Variants in TEX10 observed in about 807,000 individuals in gnomAD.
TEX10 encodes the protein testis-expressed protein 10.
In TEX10, 24 loss-of-function variants were observed where a neutral mutation model predicts 104.4. The ratio of observed to expected loss-of-function variants is 0.23; its 90% CI spans 0.17 to 0.32. The LOEUF (loss-of-function observed/expected upper bound fraction) is 0.32. Among genes scored for constraint, TEX10 ranks in the 10% least tolerant of loss-of-function variants. TEX10 has a pLI of 1.00. For missense variants in TEX10, 921 were observed against 1,083.9 expected (o/e 0.85, Z 2.11); for synonymous variants, 396 against 393.4 (o/e 1.01, Z -0.08).
chr9:100,311,618 T>C (rs1378424615), intron 11 of TEX10, among the ~76,000 whole-genome samples: 2 of 152,100 alleles, frequency 1.3e-5, no homozygotes, highest in African/African-American at 4.8e-5. Flanking sequence ...AATACAAATA[T>C]CCTGTTCAAT....
At chr9:100,339,892 A>C (rs1835130324) in intron 5 of TEX10, among the ~76,000 whole-genome samples, 1 of 152,060 alleles carries the variant, frequency 6.6e-6, no homozygotes, top group Non-Finnish European at 1.5e-5. Flanking sequence ...CCTCATGTAT[A>C]AATGAGAGTG....
Position 100,310,393 on chromosome 9 carries a change from A to G in TEX10, c.2203-14T>C, listed in dbSNP as rs769574973. 1 of 1,608,618 alleles carries G rather than the reference A, an allele frequency of 6.2e-7. No individual in the cohort carries two copies. The highest frequency in any genetic ancestry group is 1.1e-5 in the South Asian group (1 of 90,410). ...GTGAAAAACTGCCTGTCAGAAAAGG[A>G]GAAAACCACTAACCAAATCAGAACA... is the stretch of plus-strand genomic sequence containing the variant. On this transcript the variant is annotated splice_polypyrimidine_tract_variant and intron_variant, in intron 11 of 14. Coordinates refer to ENST00000374902, the MANE Select transcript of TEX10 (RefSeq NM_017746.4).
At chr9:100,323,217 A>G (rs1007647092) in intron 9 of TEX10, among the ~76,000 whole-genome samples, 11 of 152,242 alleles carry the variant, frequency 7.2e-5, no homozygotes, top group African/African-American at 2.4e-4. Context: ...GACAAGCAAT[A>G]TATCATACTG....
intron 8 of TEX10, 33 bp from the exon 9 acceptor site, chr9:100,326,512 T>C (rs1834708896): frequency 1.9e-6 from 3 of 1,570,952 alleles, no homozygotes; most frequent in South Asian, 2.3e-5. Flanking sequence ...TAAAAACAAC[T>C]ATAAAAGACA....
intron 5 of TEX10, among the ~76,000 whole-genome samples, chr9:100,335,469 G>A (rs1036887521): frequency 6.6e-6 from 1 of 152,154 alleles, no homozygotes; most frequent in African/African-American, 2.4e-5. Flanking sequence ...CAAAAGTGCT[G>A]GGATTACAGG....
rs186784296 is a variant in TEX10 at position 100,325,609 on chromosome 9, C to T, written c.1979+693G>A. Among the ~76,000 whole-genome samples, 824 of 152,314 alleles carry T rather than the reference C, an allele frequency of 5.4e-3. 2 individuals are homozygous for T. Among genetic ancestry groups the T allele is most frequent in the Middle Eastern group, 0.017 (5 of 294 alleles). ...GCAGTGGTGCCATCTTGACTCACTG[C>T]AACCTCCACCTCCCGGGTTCAAGCA... is the stretch of plus-strand genomic sequence containing the variant. On this transcript the variant is annotated intron_variant, in intron 9 of 14. Coordinates refer to ENST00000374902, the MANE Select transcript of TEX10 (RefSeq NM_017746.4).
chr9:100,341,124 G>A (rs190554619), intron 4 of TEX10, among the ~76,000 whole-genome samples: 285 of 152,174 alleles, frequency 1.9e-3, no homozygotes, highest in African/African-American at 6.6e-3. Flanking sequence ...CCATTACCAC[G>A]CTCGGCTAAT....
intron 2 of TEX10, among the ~76,000 whole-genome samples, chr9:100,347,742 A>G (rs917427646): frequency 6.6e-6 from 1 of 151,798 alleles, no homozygotes; most frequent in Non-Finnish European, 1.5e-5. Flanking sequence ...GTATATATAT[A>G]CTCTTGACAG....
Position 100,346,670 on chromosome 9 carries a change from G to A in TEX10, c.893+24C>T, listed in dbSNP as rs370641310. On this transcript the variant is annotated intron_variant, in intron 3 of 14. Transcript: ENST00000374902. ...ATAATTCAATACAGCAAAACTGTGT[G>A]GACATAACTGAAATCCTTCTTACCG... 2.5e-6 allele frequency: 4 copies of A among 1,579,564 alleles called. No homozygotes were observed. The African/African-American group carries it at 4.1e-5, about 16-fold the overall frequency.
At chr9:100,309,081 G>A (rs1834209758) in intron 12 of TEX10, among the ~76,000 whole-genome samples, 1 of 152,164 alleles carries the variant, frequency 6.6e-6, no homozygotes. Flanking sequence ...CTTGCATGTG[G>A]CACCACTCAT....
chr9:100,305,019 G>A (rs1428982995), intron 13 of TEX10: 3 of 152,166 alleles, frequency 2.0e-5, no homozygotes, highest in Non-Finnish European at 2.9e-5. Context: ...TTTAGGCTAA[G>A]AGCCAAATCA....
chr9:100,334,406 T>TA (rs1184232239), intron 5 of TEX10, among the ~76,000 whole-genome samples: 1 of 152,182 alleles, frequency 6.6e-6, no homozygotes, highest in Non-Finnish European at 1.5e-5. Flanking sequence ...TTAACCCTGC[T>TA]AAAACATTCT....
intron 9 of TEX10, 81 bp downstream of exon 9, chr9:100,326,221 A>C: frequency 3.4e-6 from 5 of 1,482,936 alleles, no homozygotes; most frequent in Non-Finnish European, 4.5e-6. Flanking sequence ...GCGACTTCAA[A>C]AGGCTTCCGT....
At chr9:100,322,396 C>G (rs147834612) in intron 9 of TEX10, among the ~76,000 whole-genome samples, 105 of 152,254 alleles carry the variant, frequency 6.9e-4, no homozygotes, top group African/African-American at 2.4e-3. Context: ...AGATCAGTTT[C>G]TAGTGTCTCC....
chr9:100,346,433 A>G (rs1334664176), intron 3 of TEX10, 118 bp from the exon 4 acceptor site: 1 of 1,203,748 alleles, frequency 8.3e-7, no homozygotes, highest in Non-Finnish European at 1.1e-6. Flanking sequence ...TGATAATTAC[A>G]TCAATCAAAA....
intron 4 of TEX10, 108 bp downstream of exon 4, chr9:100,345,964 T>G: frequency 7.7e-7 from 1 of 1,305,366 alleles, no homozygotes; most frequent in Non-Finnish European, 1.0e-6. Flanking sequence ...CCAGGGTACT[T>G]TTCAGAAAAA....
intron 12 of TEX10, among the ~76,000 whole-genome samples, chr9:100,309,112 T>C (rs1389400068): frequency 1.3e-5 from 2 of 152,230 alleles, no homozygotes; most frequent in African/African-American, 4.8e-5. Context: ...ATTAAATGTA[T>C]AAATAGTTCA....
intron 5 of TEX10, among the ~76,000 whole-genome samples, chr9:100,334,257 G>A (rs79519403): frequency 6.6e-6 from 1 of 151,606 alleles, no homozygotes; most frequent in Admixed American, 6.6e-5. Flanking sequence ...AAAAACTTTA[G>A]GGGGAAAAAA....
intron 7 of TEX10, 114 bp downstream of exon 7, chr9:100,329,026 G>T: frequency 6.1e-6 from 7 of 1,145,698 alleles, no homozygotes; most frequent in Non-Finnish European, 8.4e-6. Flanking sequence ...AAACAAGTAG[G>T]ATTAAAAAGA....
Sources: allele counts gnomAD v4.1 joint callset (sites outside exome capture counted in the v4.1 genomes callset), GRCh38; gene constraint gnomAD v4.1.1; transcripts MANE v1.5; gene names NCBI Gene and HGNC (gene_info 2026-07-23, HGNC 2026-07-21).